SYT17: variants seen among roughly 807,000 people sequenced by gnomAD.
SYT17 encodes the protein synaptotagmin-17.
A neutral mutation model predicts 46.7 loss-of-function variants in SYT17; 22 were observed. The ratio of observed to expected loss-of-function variants is 0.47; its 90% CI spans 0.34 to 0.67. The LOEUF is 0.67. SYT17 is among the 30% of genes least tolerant of loss of function. The pLI is 0.01. For missense variants in SYT17, 519 were observed against 612.8 expected (o/e 0.85, Z 1.62); for synonymous variants, 251 against 248.4 (o/e 1.01, Z -0.10).
intron 7 of SYT17, 80 bp from the exon 8 acceptor site, chr16:19,266,800 C>T: frequency 7.4e-7 from 1 of 1,343,840 alleles, no homozygotes; most frequent in East Asian, 2.4e-5. Context: ...CTAATGGCCT[C>T]TTGTCTTCTC....
At chr16:19,248,889 C>T (rs1280044714) in intron 7 of SYT17, among the ~76,000 whole-genome samples, 1 of 151,900 alleles carries the variant, frequency 6.6e-6, no homozygotes, top group Non-Finnish European at 1.5e-5. Context: ...TACACATACA[C>T]ATGGCCGAAT....
intron 4 of SYT17, among the ~76,000 whole-genome samples, chr16:19,182,882 C>A (rs926314414): frequency 5.3e-5 from 8 of 152,230 alleles, no homozygotes; most frequent in African/African-American, 1.9e-4. Context: ...TCTTTTCATG[C>A]CCTGGCTCAG....
chr16:19,242,918 G>C (rs1171740299), intron 7 of SYT17, among the ~76,000 whole-genome samples: 1 of 152,064 alleles, frequency 6.6e-6, no homozygotes, highest in African/African-American at 2.4e-5. Flanking sequence ...TGTGGCTCCT[G>C]GCTCCATGAA....
intron 5 of SYT17, among the ~76,000 whole-genome samples, chr16:19,216,380 CTT>C (rs5816039): frequency 0.054 from 7,593 of 141,438 alleles, 582 homozygotes; most frequent in African/African-American, 0.18. Flanking sequence ...ACAATTATTT[CTT>C]TTTTTTTTTT....
rs1968231362 is a variant in SYT17, at chr16:19,252,498, TATATATACATATATATATAC to T, written c.1229-14374_1229-14355del. On this transcript the variant is annotated intron_variant, in intron 7 of 7. Transcript: ENST00000355377. ...ATATATATACATATATATATACATATATATATACATATATATATACATATATATATACATATATATATTTT... is the reference window on the plus strand; with the variant it reads ...ATATATATACATATATATATACATATATATATATATACATATATATATTTT... Among the ~76,000 whole-genome samples, 4 of 44,494 alleles carry T rather than the reference TATATATACATATATATATAC, an allele frequency of 9.0e-5. 1 individual carries two copies. Among genetic ancestry groups the T allele is most frequent in the Non-Finnish European group, 1.3e-4 (4 of 30,592 alleles). 29.2% of individuals were successfully genotyped at this position (44,494 alleles called of 152,430 possible).
chr16:19,182,038 C>A (rs1324898879), intron 4 of SYT17, among the ~76,000 whole-genome samples: 1 of 150,430 alleles, frequency 6.6e-6, no homozygotes, highest in African/African-American at 2.4e-5. Flanking sequence ...TTTAAAGTAT[C>A]TCACTAAAAT....
intron 3 of SYT17, among the ~76,000 whole-genome samples, chr16:19,175,645 CAAA>C (rs34788366): frequency 7.4e-5 from 5 of 67,764 alleles, no homozygotes; most frequent in Admixed American, 1.8e-4. Context: ...AGCAAGACTT[CAAA>C]AAAAAAAAAA....
At chr16:19,247,490 A>C (rs1347371460) in intron 7 of SYT17, among the ~76,000 whole-genome samples, 1 of 152,196 alleles carries the variant, frequency 6.6e-6, no homozygotes, top group Non-Finnish European at 1.5e-5. Flanking sequence ...CGGCCTCCCA[A>C]GGTGCTGCTG....
intron 4 of SYT17, among the ~76,000 whole-genome samples, chr16:19,182,044 A>G (rs1440936976): frequency 2.0e-5 from 3 of 152,060 alleles, no homozygotes; most frequent in East Asian, 3.9e-4. Flanking sequence ...GTATCTCACT[A>G]AAATATTTTT....
chr16:19,217,967 C>A (rs1230225069), intron 5 of SYT17, among the ~76,000 whole-genome samples: 1 of 152,194 alleles, frequency 6.6e-6, no homozygotes, highest in Non-Finnish European at 1.5e-5. Context: ...GCTTAATCAC[C>A]AGAAACCTTG....
At chr16:19,239,221 G>A (rs1018265098) in intron 7 of SYT17, among the ~76,000 whole-genome samples, 2 of 152,018 alleles carry the variant, frequency 1.3e-5, no homozygotes, top group Non-Finnish European at 2.9e-5. Flanking sequence ...AGGCTGCAGT[G>A]AGCTATAATC....
At chr16:19,226,509 G>T (rs1966501093) in intron 7 of SYT17, among the ~76,000 whole-genome samples, 1 of 152,182 alleles carries the variant, frequency 6.6e-6, no homozygotes, top group Admixed American at 6.5e-5. Context: ...TTGGTTCTGG[G>T]TTTTCTCAAG....
In SYT17 at chr16:19,220,303, C is replaced by CTTTCTTTTTTTTTTT. The variant is rs776097400; in HGVS notation, c.952-2739_952-2738insCTTTTTTTTTTTTTT. On this transcript the variant is annotated intron_variant, in intron 5 of 7. Transcript: ENST00000355377. ...TTCAATGACATTTCTTTCTTTCTTT[C>CTTTCTTTTTTTTTTT]TTTTTTTTTTTTTTTTTGAGATGAA... Among the ~76,000 whole-genome samples, 44 of 80,494 alleles carry CTTTCTTTTTTTTTTT rather than the reference C, an allele frequency of 5.5e-4. 3 individuals carry two copies. The highest frequency in any genetic ancestry group is 1.0e-3 in the Admixed American group (6 of 5,726). 52.8% of individuals were successfully genotyped at this position (80,494 alleles called of 152,430 possible). A position where few individuals can be genotyped will look rare whatever the true frequency, so the allele number is the denominator to read the frequency against.
chr16:19,197,129 C>A (rs972892626), intron 5 of SYT17, among the ~76,000 whole-genome samples: 2 of 152,196 alleles, frequency 1.3e-5, no homozygotes, highest in Non-Finnish European at 2.9e-5. Flanking sequence ...TGCTGTCAGC[C>A]TTGACCCTCT....
chr16:19,179,344 G>A (rs1305369394), intron 3 of SYT17, among the ~76,000 whole-genome samples: 1 of 152,100 alleles, frequency 6.6e-6, no homozygotes, highest in African/African-American at 2.4e-5. Context: ...TGCCCAGGCT[G>A]ATCTCAAACT....
At chr16:19,249,275 A>AAAATAAATAAAT (rs71375627) in intron 7 of SYT17, among the ~76,000 whole-genome samples, 36,603 of 145,036 alleles carry the variant, frequency 0.25, 5,008 homozygotes, top group East Asian at 0.37. Context: ...CGCCGTCTCA[A>AAAATAAATAAAT]AAATAAATAA....
At chr16:19,230,567 C>T (rs1000921113) in intron 7 of SYT17, among the ~76,000 whole-genome samples, 1 of 152,154 alleles carries the variant, frequency 6.6e-6, no homozygotes, top group Non-Finnish European at 1.5e-5. Context: ...GAAGCTTCAG[C>T]CCGGCAGATC....
chr16:19,233,078 G>A (rs1454019779), intron 7 of SYT17, among the ~76,000 whole-genome samples: 1 of 152,162 alleles, frequency 6.6e-6, no homozygotes. Flanking sequence ...GGCTGGGTTG[G>A]CCAATCTTTG....
intron 5 of SYT17, among the ~76,000 whole-genome samples, chr16:19,209,327 A>G (rs1360218243): frequency 6.6e-6 from 1 of 152,196 alleles, no homozygotes; most frequent in African/African-American, 2.4e-5. Context: ...TAATAAGAGA[A>G]AGACAAATAC....
Sources: allele counts gnomAD v4.1 joint callset (sites outside exome capture counted in the v4.1 genomes callset), GRCh38; gene constraint gnomAD v4.1.1; transcripts MANE v1.5; gene names NCBI Gene and HGNC (gene_info 2026-07-23, HGNC 2026-07-21).